Variants in TMEM150C observed in about 807,000 individuals in gnomAD.
The protein encoded by TMEM150C is transmembrane protein 150C.
A neutral mutation model predicts 29.9 loss-of-function variants in TMEM150C; 10 were observed. That is an observed-to-expected ratio of 0.33 (90% CI 0.21 to 0.57). The LOEUF is 0.57. Among genes scored for constraint, TMEM150C ranks in the 20% least tolerant of loss-of-function variants. TMEM150C has a pLI of 0.88. For synonymous variants in TMEM150C, 101 were observed against 112.5 expected (o/e 0.90, Z 0.64); for missense variants, 251 against 303.6 (o/e 0.83, Z 1.29).
intron 6 of TMEM150C, chr4:82,490,823 T>C (rs1723317314): frequency 3.4e-6 from 2 of 589,694 alleles, no homozygotes; most frequent in Non-Finnish European, 6.3e-6. Context: ...CAGTGTATAT[T>C]TAACCCAGCT....
At chr4:82,503,156 A>G (rs758517603) in intron 2 of TMEM150C, 44 bp from the exon 3 acceptor site, 11 of 1,411,306 alleles carry the variant, frequency 7.8e-6, no homozygotes, top group Non-Finnish European at 1.1e-5. Context: ...AATTGGAAAA[A>G]AGAATCATTT....
At chr4:82,491,478 C>A in intron 6 of TMEM150C, 3 of 686,982 alleles carry the variant, frequency 4.4e-6, no homozygotes, top group South Asian at 3.2e-5. Context: ...TTTCACAAAG[C>A]GAGTGAGGTC....
intron 1 of TMEM150C, among the ~76,000 whole-genome samples, chr4:82,549,775 T>C (rs1162389852): frequency 6.6e-6 from 1 of 152,228 alleles, no homozygotes; most frequent in East Asian, 1.9e-4. Flanking sequence ...TATAGTATTC[T>C]ATTGTAGAGA....
At chr4:82,547,462 G>A (rs556182649) in intron 1 of TMEM150C, among the ~76,000 whole-genome samples, 9 of 152,148 alleles carry the variant, frequency 5.9e-5, no homozygotes, top group Admixed American at 1.3e-4. Flanking sequence ...GGTGGCACAC[G>A]CCTGTAGTCC....
intron 6 of TMEM150C, among the ~76,000 whole-genome samples, chr4:82,492,820 C>T (rs1181485366): frequency 1.6e-5 from 2 of 125,534 alleles, no homozygotes; most frequent in East Asian, 4.6e-4. Context: ...ACAACAAAGT[C>T]TATCCATATC....
chr4:82,554,857 C>T (rs577028419), intron 1 of TMEM150C, among the ~76,000 whole-genome samples: 1 of 152,306 alleles, frequency 6.6e-6, no homozygotes, highest in East Asian at 1.9e-4. Flanking sequence ...CATCTTGCCC[C>T]TTTTTATTCC....
At chr4:82,494,948 C>A in intron 6 of TMEM150C, 2 of 599,824 alleles carry the variant, frequency 3.3e-6, no homozygotes, top group Middle Eastern at 5.5e-4. Context: ...TTCTCTTGGC[C>A]GAAAGTTTAG....
At chr4:82,516,579 G>A (rs1724303120) in intron 1 of TMEM150C, among the ~76,000 whole-genome samples, 1 of 152,134 alleles carries the variant, frequency 6.6e-6, no homozygotes. Flanking sequence ...TATTTGATAA[G>A]CACATGGCAA....
At chr4:82,507,996 C>T (rs1181587629) in intron 1 of TMEM150C, among the ~76,000 whole-genome samples, 3 of 152,014 alleles carry the variant, frequency 2.0e-5, no homozygotes, top group Admixed American at 6.6e-5. Flanking sequence ...GATCCACCCA[C>T]GTGAGCCACT....
intron 1 of TMEM150C, among the ~76,000 whole-genome samples, chr4:82,537,507 T>A (rs532236978): frequency 3.3e-5 from 5 of 152,318 alleles, no homozygotes; most frequent in African/African-American, 9.6e-5. Context: ...CTCCTATCCT[T>A]GACTTCCTAT....
intron 1 of TMEM150C, among the ~76,000 whole-genome samples, chr4:82,529,891 C>CA (rs1054319292): frequency 6.6e-6 from 1 of 151,828 alleles, no homozygotes; most frequent in African/African-American, 2.4e-5. Context: ...ATCTGCTTTT[C>CA]AAAAAATAGA....
chr4:82,490,088 C>A lies in TMEM150C; in HGVS notation c.514G>T (p.Ala172Ser), dbSNP rs1283068583. Reference protein sequence around the residue: ...RVGIPRVILSASITLCVVLYF... With the variant: ...RVGIPRVILSSSITLCVVLYF... ...AGGACCACACAGAGAGTGATAGATG[C>A]CGACAGAATAACCCGTGGAATTCCA... The change falls in exon 7 of 8, where the codon GCA (alanine) becomes TCA (serine). Residue 172 changes from alanine (A) to serine (S), a missense_variant. Ala to Ser is a moderately conservative substitution (Grantham distance 99, BLOSUM62 1). Transcript: ENST00000449862. 6.2e-7 allele frequency: 1 copy of A among 1,613,940 alleles called. No individual in the cohort carries two copies. Among genetic ancestry groups the A allele is most frequent in the Non-Finnish European group, 8.5e-7 (1 of 1,179,860 alleles).
intron 1 of TMEM150C, among the ~76,000 whole-genome samples, chr4:82,505,205 AATTTT>A (rs1723876312): frequency 6.6e-6 from 1 of 152,268 alleles, no homozygotes; most frequent in African/African-American, 2.4e-5. Context: ...AATTAATAGA[AATTTT>A]ATTTTTAAAT....
At chr4:82,513,734 G>C (rs1724205670) in intron 1 of TMEM150C, among the ~76,000 whole-genome samples, 1 of 152,198 alleles carries the variant, frequency 6.6e-6, no homozygotes, top group Non-Finnish European at 1.5e-5. Context: ...CAAACAGCAA[G>C]AGACTGGAGA....
At chr4:82,514,700 A>G (rs1724235623) in intron 1 of TMEM150C, among the ~76,000 whole-genome samples, 1 of 152,120 alleles carries the variant, frequency 6.6e-6, no homozygotes, top group Non-Finnish European at 1.5e-5. Context: ...GACTCTCCCC[A>G]TCTTCCTCTG....
chr4:82,527,087 A>G, intron 1 of TMEM150C, among the ~76,000 whole-genome samples: 1 of 142,258 alleles, frequency 7.0e-6, no homozygotes, highest in African/African-American at 2.7e-5. Flanking sequence ...CACAGAGTAA[A>G]CCTCAGGTAT....
chr4:82,491,722 G>A (rs557889232), intron 6 of TMEM150C: 2 of 373,010 alleles, frequency 5.4e-6, no homozygotes, highest in Non-Finnish European at 9.6e-6. Context: ...GACTGGTCAT[G>A]AACTTCTGAG....
At chr4:82,506,806 T>C (rs1200988352) in intron 1 of TMEM150C, among the ~76,000 whole-genome samples, 1 of 152,174 alleles carries the variant, frequency 6.6e-6, no homozygotes, top group African/African-American at 2.4e-5. Context: ...CAAAAATAAT[T>C]CCATAAGTAG....
intron 1 of TMEM150C, among the ~76,000 whole-genome samples, chr4:82,561,216 C>T (rs552615607): frequency 6.6e-6 from 1 of 152,242 alleles, no homozygotes; most frequent in Non-Finnish European, 1.5e-5. Flanking sequence ...CAAAGCTAAT[C>T]ACTTTTTTAT....
Sources: allele counts gnomAD v4.1 joint callset (sites outside exome capture counted in the v4.1 genomes callset), GRCh38; gene constraint gnomAD v4.1.1; transcripts MANE v1.5; gene names NCBI Gene and HGNC (gene_info 2026-07-23, HGNC 2026-07-21).